The following PHACTR4 variants were observed in gnomAD, a reference collection of about 807,000 sequenced individuals.
The protein encoded by PHACTR4 is phosphatase and actin regulator 4, also known as protein phosphatase 1, regulatory subunit 124.
PHACTR4 carries 51 observed loss-of-function variants against 72.7 expected under a neutral mutation model. That is an observed-to-expected ratio of 0.70 (90% CI 0.56 to 0.89). PHACTR4 has a LOEUF of 0.89. Among genes scored for constraint, PHACTR4 ranks in the 40% least tolerant of loss-of-function variants. The probability of loss-of-function intolerance (pLI) is 0.00; values close to 1 mark genes in which losing one functional copy is unlikely to be tolerated. For synonymous variants in PHACTR4, 255 were observed against 302.5 expected (o/e 0.84, Z 1.63); for missense variants, 731 against 861.8 (o/e 0.85, Z 1.90).
chr1:28,394,636 G>A (rs1252797278), intron 1 of PHACTR4, among the ~76,000 whole-genome samples: 11 of 142,900 alleles, frequency 7.7e-5, no homozygotes, highest in African/African-American at 2.9e-4. Flanking sequence ...TGCTCTTGTT[G>A]CCCAGGCTGG....
chr1:28,415,571 A>T (rs1655056176), intron 2 of PHACTR4, among the ~76,000 whole-genome samples: 1 of 152,220 alleles, frequency 6.6e-6, no homozygotes, highest in Non-Finnish European at 1.5e-5. Context: ...GTGGAGGAGG[A>T]TCTGCATACT....
intron 4 of PHACTR4, among the ~76,000 whole-genome samples, chr1:28,463,398 A>G (rs981965614): frequency 2.6e-5 from 4 of 152,242 alleles, no homozygotes; most frequent in African/African-American, 9.6e-5. Context: ...CAAAGTAGAC[A>G]TCCCTGATTA....
intron 1 of PHACTR4, among the ~76,000 whole-genome samples, chr1:28,370,108 C>T (rs1651112129): frequency 6.6e-6 from 1 of 151,972 alleles, no homozygotes; most frequent in African/African-American, 2.4e-5. Context: ...TTTGTCTGGG[C>T]TGCGTTGCTC....
At chr1:28,379,593 CT>C (rs575352039) in intron 1 of PHACTR4, among the ~76,000 whole-genome samples, 219 of 136,114 alleles carry the variant, frequency 1.6e-3, no homozygotes, top group Admixed American at 2.6e-3. Context: ...AATTTCTTTT[CT>C]TTTTTTTTTT....
intron 4 of PHACTR4, among the ~76,000 whole-genome samples, chr1:28,462,139 C>G (rs1658858286): frequency 6.6e-6 from 1 of 152,082 alleles, no homozygotes; most frequent in Non-Finnish European, 1.5e-5. Context: ...TCCCGAGGAG[C>G]TGTGATTACA....
intron 2 of PHACTR4, among the ~76,000 whole-genome samples, chr1:28,458,432 G>C (rs1350590837): frequency 2.0e-5 from 3 of 152,050 alleles, no homozygotes; most frequent in Non-Finnish European, 4.4e-5. Context: ...ACAGAAATGA[G>C]CCACTGTGCT....
intron 2 of PHACTR4, among the ~76,000 whole-genome samples, chr1:28,423,229 A>C (rs1264379481): frequency 6.6e-6 from 1 of 152,132 alleles, no homozygotes; most frequent in African/African-American, 2.4e-5. Context: ...GCAACATAGC[A>C]AGACCTTGTC....
chr1:28,454,969 C>T (rs903583982), intron 2 of PHACTR4, among the ~76,000 whole-genome samples: 1 of 152,114 alleles, frequency 6.6e-6, no homozygotes, highest in Non-Finnish European at 1.5e-5. Context: ...AAGCCATTCT[C>T]CTGCCTCAGC....
chr1:28,380,050 A>ATTTTTTTTTTTTTT (rs1405487346), intron 1 of PHACTR4, among the ~76,000 whole-genome samples: 1 of 128,078 alleles, frequency 7.8e-6, no homozygotes, highest in Non-Finnish European at 1.6e-5. Flanking sequence ...TTTAAATGTA[A>ATTTTTTTTTTTTTT]CTTTTTTTTT....
chr1:28,468,936 C>T (rs1037169771), intron 6 of PHACTR4, among the ~76,000 whole-genome samples: 1 of 152,134 alleles, frequency 6.6e-6, no homozygotes, highest in African/African-American at 2.4e-5. Context: ...GTGTATGATA[C>T]CCTGGACTAA....
At chr1:28,408,727 G>A (rs369744934) in intron 2 of PHACTR4, among the ~76,000 whole-genome samples, 2 of 151,580 alleles carry the variant, frequency 1.3e-5, no homozygotes, top group Admixed American at 6.6e-5. Context: ...CCAGGCTGGA[G>A]TGCAGTGGCA....
chr1:28,480,753 A>T, intron 9 of PHACTR4, 149 bp downstream of exon 9: 1 of 1,021,492 alleles, frequency 9.8e-7, no homozygotes, highest in African/African-American at 1.6e-5. Context: ...TAGTGGCGCG[A>T]TCTCGGCTCA....
chr1:28,369,851 G>A, intron 1 of PHACTR4, 26 bp downstream of exon 1: 1 of 441,532 alleles, frequency 2.3e-6, no homozygotes, highest in Non-Finnish European at 4.5e-6. Flanking sequence ...AAGGGAAAGT[G>A]AGCAGGACGC....
rs369455985 is a variant in PHACTR4 at position 28,431,196 on chromosome 1, A to AATATAT, written c.16+23747_16+23752dup. On this transcript the variant is annotated intron_variant, in intron 2 of 13. Transcript: ENST00000373839. Reference sequence around the variant, plus strand: ...TCCATCTCAAAAAAAAAAAAACCAAAATATATATATATATATATAAACATG... The same window carrying AATATAT: ...TCCATCTCAAAAAAAAAAAAACCAAAATATATATATATATATATATATATAAACATG... Among the ~76,000 whole-genome samples, 132 of 128,292 alleles carry AATATAT rather than the reference A, an allele frequency of 1.0e-3. 1 individual carries two copies. Among genetic ancestry groups the AATATAT allele is most frequent in the African/African-American group, 1.7e-3 (57 of 34,072 alleles). 84.2% of individuals were successfully genotyped at this position (128,292 alleles called of 152,430 possible).
At chr1:28,389,826 G>A (rs1480137744) in intron 1 of PHACTR4, among the ~76,000 whole-genome samples, 1 of 152,040 alleles carries the variant, frequency 6.6e-6, no homozygotes, top group Non-Finnish European at 1.5e-5. Flanking sequence ...TCAAAAAATT[G>A]AAAATAGGAT....
rs573663875 is a variant in PHACTR4, at chr1:28,490,999, G to A, written c.1865G>A (p.Arg622Gln). The A allele has an allele frequency of 1.2e-5, 19 of 1,613,596 alleles. No homozygotes were observed. Among genetic ancestry groups the A allele is most frequent in the African/African-American group, 2.7e-5 (2 of 74,960 alleles). Residue 622 changes from arginine to glutamine, a missense_variant, in exon 11 of 14, where the codon CGG becomes CAG. Transcript: ENST00000373839. The part of the protein sequence containing the change: ...RQAEKREIKR[R>Q]LTRKLSQRPT... ...GCAGAAAAACGAGAAATTAAACGTC[G>A]GCTCACTAGAAAGGTACTACTGCCT...
At chr1:28,433,689 C>G (rs1457139172) in intron 2 of PHACTR4, among the ~76,000 whole-genome samples, 1 of 151,410 alleles carries the variant, frequency 6.6e-6, no homozygotes, top group Non-Finnish European at 1.5e-5. Context: ...AACTCCTGAC[C>G]CCAGGTGATC....
intron 2 of PHACTR4, chr1:28,438,268 G>A: frequency 1.4e-6 from 2 of 1,460,214 alleles, no homozygotes; most frequent in South Asian, 2.9e-5. Context: ...CCTGATGTTT[G>A]GCAGTGACAC....
chr1:28,408,365 G>T (rs1344521443), intron 2 of PHACTR4, among the ~76,000 whole-genome samples: 1 of 152,082 alleles, frequency 6.6e-6, no homozygotes, highest in Non-Finnish European at 1.5e-5. Flanking sequence ...TTTGAGACCA[G>T]CCTGGCTGAC....
Sources: allele counts gnomAD v4.1 joint callset (sites outside exome capture counted in the v4.1 genomes callset), GRCh38; gene constraint gnomAD v4.1.1; transcripts MANE v1.5; gene names NCBI Gene and HGNC (gene_info 2026-07-23, HGNC 2026-07-21).